The following SPAG16 variants were observed in gnomAD, a reference collection of about 807,000 sequenced individuals.
SPAG16 encodes sperm associated antigen 16.
Under a neutral mutation model 80.4 loss-of-function variants are expected in SPAG16, and 86 were observed. The ratio of observed to expected loss-of-function variants is 1.07; its 90% CI spans 0.90 to 1.28. The LOEUF is 1.28. Among genes scored for constraint, SPAG16 ranks in the 50% most tolerant of loss-of-function variants. The pLI, the probability that SPAG16 is intolerant of heterozygous loss-of-function variation, is 0.00. For synonymous variants in SPAG16, 294 were observed against 265.9 expected (o/e 1.11, Z -1.03); for missense variants, 870 against 765.3 (o/e 1.14, Z -1.61).
At chr2:213,616,263 G>A (rs1239992394) in intron 10 of SPAG16, among the ~76,000 whole-genome samples, 2 of 152,160 alleles carry the variant, frequency 1.3e-5, no homozygotes, top group Non-Finnish European at 2.9e-5. Context: ...AAAGAAACAT[G>A]CTTCCACAAA....
chr2:214,000,435 G>A (rs780111022), intron 12 of SPAG16, among the ~76,000 whole-genome samples: 10 of 152,128 alleles, frequency 6.6e-5, no homozygotes, highest in Non-Finnish European at 1.0e-4. Context: ...ACAGTCTTGA[G>A]TATGTCTTTA....
At chr2:213,433,915 C>CTTTTTTTTTT (rs33989475) in intron 9 of SPAG16, among the ~76,000 whole-genome samples, 3 of 85,014 alleles carry the variant, frequency 3.5e-5, no homozygotes, top group Admixed American at 1.4e-4. Context: ...TTTTCTTTGT[C>CTTTTTTTTTT]TTTTTTTTTT....
At chr2:214,369,338 A>T (rs1390282763) in intron 15 of SPAG16, among the ~76,000 whole-genome samples, 1 of 152,086 alleles carries the variant, frequency 6.6e-6, no homozygotes, top group Non-Finnish European at 1.5e-5. Context: ...TCTGCAACTC[A>T]CTACTAGTTT....
At chr2:213,748,641 C>T (rs1201782718) in intron 10 of SPAG16, among the ~76,000 whole-genome samples, 2 of 151,932 alleles carry the variant, frequency 1.3e-5, no homozygotes, top group African/African-American at 2.4e-5. Context: ...TGAAAGTAAG[C>T]GTAAGGACTA....
intron 10 of SPAG16, among the ~76,000 whole-genome samples, chr2:213,734,868 T>C (rs1044292281): frequency 6.6e-6 from 1 of 152,178 alleles, no homozygotes; most frequent in African/African-American, 2.4e-5. Context: ...AATGATGGCT[T>C]TGTACTTCAT....
chr2:213,626,059 A>T (rs917136085), intron 10 of SPAG16, among the ~76,000 whole-genome samples: 2 of 152,082 alleles, frequency 1.3e-5, no homozygotes, highest in African/African-American at 4.8e-5. Context: ...GTCCTTTTAT[A>T]TGGAGTGAGA....
chr2:213,904,674 CTCTCT>C (rs2077365072), intron 11 of SPAG16, among the ~76,000 whole-genome samples: 1 of 150,972 alleles, frequency 6.6e-6, no homozygotes, highest in Non-Finnish European at 1.5e-5. Context: ...TTAGATAGGC[CTCTCT>C]TCTCTGATGT....
At chr2:213,794,808 A>G (rs1390635732) in intron 10 of SPAG16, among the ~76,000 whole-genome samples, 2 of 152,180 alleles carry the variant, frequency 1.3e-5, no homozygotes, top group African/African-American at 4.8e-5. Flanking sequence ...TAAGATAAAC[A>G]TCTAAGATGG....
chr2:214,053,385 C>T (rs940082713), intron 13 of SPAG16, among the ~76,000 whole-genome samples: 1 of 152,104 alleles, frequency 6.6e-6, no homozygotes, highest in African/African-American at 2.4e-5. Flanking sequence ...AAAGCAAAGA[C>T]GTTTTTTAGA....
intron 11 of SPAG16, among the ~76,000 whole-genome samples, chr2:213,886,353 G>T (rs892981706): frequency 8.5e-5 from 13 of 152,086 alleles, no homozygotes; most frequent in African/African-American, 3.1e-4. Flanking sequence ...CCTTTGGCCT[G>T]GGCAGGAGGA....
chr2:214,318,001 G>A (rs1242055002), intron 15 of SPAG16, among the ~76,000 whole-genome samples: 2 of 152,216 alleles, frequency 1.3e-5, no homozygotes, highest in East Asian at 3.9e-4. Context: ...ATGTATGTAA[G>A]GGAGGATGGT....
intron 13 of SPAG16, among the ~76,000 whole-genome samples, chr2:214,059,282 G>T (rs927808153): frequency 1.6e-4 from 21 of 130,028 alleles, no homozygotes; most frequent in Non-Finnish European, 2.9e-4. Context: ...ATATAATCAA[G>T]AATTTTTGTA....
chr2:213,793,574 A>G (rs965076424), intron 10 of SPAG16, among the ~76,000 whole-genome samples: 2 of 152,224 alleles, frequency 1.3e-5, no homozygotes, highest in Non-Finnish European at 2.9e-5. Context: ...AAAAATACTT[A>G]TGAAAAACTG....
chr2:213,316,943 T>G (rs545562609), intron 4 of SPAG16, among the ~76,000 whole-genome samples: 1 of 152,168 alleles, frequency 6.6e-6, no homozygotes, highest in South Asian at 2.1e-4. Context: ...AATAGGGACG[T>G]AGACATTTTT....
At chr2:213,565,182 A>G (rs1036982827) in intron 10 of SPAG16, among the ~76,000 whole-genome samples, 1 of 152,140 alleles carries the variant, frequency 6.6e-6, no homozygotes, top group African/African-American at 2.4e-5. Flanking sequence ...TCTTCTCTTC[A>G]GTTTTCTTTT....
intron 15 of SPAG16, among the ~76,000 whole-genome samples, chr2:214,256,827 A>G (rs1398788075): frequency 1.2e-4 from 14 of 114,980 alleles, no homozygotes; most frequent in Admixed American, 5.1e-4. Context: ...TAGCATTATA[A>G]TAAGTCTTAA....
At chr2:214,397,309 G>A (rs1201184115) in intron 15 of SPAG16, among the ~76,000 whole-genome samples, 3 of 151,728 alleles carry the variant, frequency 2.0e-5, no homozygotes, top group Non-Finnish European at 2.9e-5. Context: ...ACAGGCATGC[G>A]CCACCATGCC....
At chr2:214,400,576 G>C (rs1002641264) in intron 15 of SPAG16, among the ~76,000 whole-genome samples, 2 of 151,892 alleles carry the variant, frequency 1.3e-5, no homozygotes, top group Non-Finnish European at 2.9e-5. Context: ...CTGTGGGTTG[G>C]GAAGGACCTG....
intron 15 of SPAG16, among the ~76,000 whole-genome samples, chr2:214,286,427 T>A (rs1310738530): frequency 6.6e-6 from 1 of 151,644 alleles, no homozygotes; most frequent in Non-Finnish European, 1.5e-5. Context: ...AATAATACTA[T>A]AAATGACTAA....
Sources: gnomAD v4.1 joint callset for allele counts (sites outside exome capture counted in the v4.1 genomes callset) on GRCh38, gnomAD v4.1.1 for gene constraint, MANE v1.5 for transcripts, NCBI Gene and HGNC (gene_info 2026-07-23, HGNC 2026-07-21) for gene names.